Variants in ANXA2 observed in about 807,000 individuals in gnomAD.
ANXA2 encodes annexin II.
Under a neutral mutation model 47.3 loss-of-function variants are expected in ANXA2, and 28 were observed. The observed-to-expected ratio is 0.59, with a 90% CI of 0.44 to 0.81. The LOEUF (loss-of-function observed/expected upper bound fraction) is 0.81, where lower values mean the gene tolerates loss of function less well. ANXA2 is among the 40% of genes least tolerant of loss of function. The probability of loss-of-function intolerance (pLI) is 0.00; values close to 1 mark genes in which losing one functional copy is unlikely to be tolerated. For missense variants in ANXA2, 384 were observed against 414.3 expected (o/e 0.93, Z 0.64); for synonymous variants, 172 against 155.5 (o/e 1.11, Z -0.79).
intron 3 of ANXA2, among the ~76,000 whole-genome samples, chr15:60,371,968 G>A (rs1270059472): frequency 6.6e-6 from 1 of 152,042 alleles, no homozygotes; most frequent in Non-Finnish European, 1.5e-5. Flanking sequence ...TCACTAACAC[G>A]GAGAAACCCC....
intron 3 of ANXA2, 40 bp downstream of exon 3, chr15:60,382,302 A>G (rs1178094381): frequency 6.6e-7 from 1 of 1,507,946 alleles, no homozygotes; most frequent in Admixed American, 1.7e-5. Context: ...AAAATGTCTC[A>G]GTAAGACCCT....
At chr15:60,378,831 T>C (rs2062815755) in intron 3 of ANXA2, among the ~76,000 whole-genome samples, 1 of 151,576 alleles carries the variant, frequency 6.6e-6, no homozygotes, top group South Asian at 2.1e-4. Flanking sequence ...CCAGGCATGG[T>C]GGCACACGCC....
At chr15:60,386,214 AAC>A in intron 1 of ANXA2, 128 bp from the exon 2 acceptor site, 1 of 665,220 alleles carries the variant, frequency 1.5e-6, no homozygotes, top group Admixed American at 2.9e-5. Flanking sequence ...AGTTTTTGCA[AAC>A]AGATGCAATT....
Position 60,347,458 on chromosome 15 carries a change from C to A in ANXA2, c.*172G>T. 2 of 632,842 alleles carry A rather than the reference C, an allele frequency of 3.2e-6. No homozygotes were observed. The highest frequency in any genetic ancestry group is 5.4e-5 in the East Asian group (2 of 36,742). 39.2% of individuals were successfully genotyped at this position (632,842 alleles called of 1,614,324 possible). The stretch of plus-strand genomic sequence containing the variant: ...TCATTTCTTTGGCTTACAGGAGAGA[C>A]TAGACAGGAAGGCCAGGCAATGCTT... On this transcript the variant is annotated 3_prime_UTR_variant, in exon 13 of 13. Transcript: ENST00000451270.
intron 12 of ANXA2, among the ~76,000 whole-genome samples, chr15:60,348,439 C>T (rs971479066): frequency 2.0e-5 from 3 of 152,134 alleles, no homozygotes; most frequent in African/African-American, 7.2e-5. Context: ...TTCAAGGAAC[C>T]AATGCATAAT....
intron 3 of ANXA2, among the ~76,000 whole-genome samples, chr15:60,366,371 T>G (rs1488878790): frequency 3.5e-5 from 5 of 143,130 alleles, no homozygotes; most frequent in African/African-American, 1.1e-4. Flanking sequence ...GAGCGCCTCT[T>G]CCCCGCCGCC....
intron 12 of ANXA2, 97 bp from the exon 13 acceptor site, chr15:60,347,786 C>T (rs1012159027): frequency 6.7e-5 from 73 of 1,092,102 alleles, no homozygotes; most frequent in Non-Finnish European, 9.8e-5. Flanking sequence ...TGAAGCTTCT[C>T]CCATGACAAA....
At chr15:60,393,850 C>T (rs930312227) in intron 1 of ANXA2, among the ~76,000 whole-genome samples, 4 of 152,186 alleles carry the variant, frequency 2.6e-5, no homozygotes, top group African/African-American at 7.2e-5. Flanking sequence ...GCCTGGCACA[C>T]GATAGGCATT....
chr15:60,349,522 C>G (rs1036242012), intron 11 of ANXA2, among the ~76,000 whole-genome samples: 3 of 152,172 alleles, frequency 2.0e-5, no homozygotes, highest in Admixed American at 6.5e-5. Context: ...GCAAATATTA[C>G]AAAATCAAAA....
intron 3 of ANXA2, among the ~76,000 whole-genome samples, chr15:60,368,777 G>T (rs1388171698): frequency 6.6e-6 from 1 of 152,102 alleles, no homozygotes; most frequent in African/African-American, 2.4e-5. Flanking sequence ...TTAATACCCG[G>T]TGAGTGGCAG....
intron 7 of ANXA2, chr15:60,355,283 G>C (rs1206768532): frequency 6.3e-6 from 1 of 157,758 alleles, no homozygotes; most frequent in East Asian, 1.9e-4. Flanking sequence ...GAAGAGAGGA[G>C]AGCGAGGGAG....
chr15:60,378,811 C>A (rs1240537809), intron 3 of ANXA2, among the ~76,000 whole-genome samples: 1 of 151,908 alleles, frequency 6.6e-6, no homozygotes, highest in African/African-American at 2.4e-5. Context: ...ACTAAAAATA[C>A]AAAAATTAGC....
chr15:60,363,076 G>A (rs1352384710), intron 4 of ANXA2: 1 of 139,080 alleles, frequency 7.2e-6, no homozygotes, highest in Non-Finnish European at 1.5e-5. Flanking sequence ...GCTTCTATGT[G>A]TGTGTGTACA....
At chr15:60,367,216 T>TGGG (rs1337555625) in intron 3 of ANXA2, among the ~76,000 whole-genome samples, 1 of 10,932 alleles carries the variant, frequency 9.1e-5, no homozygotes, top group African/African-American at 4.5e-4. Context: ...GGGAGGGAGG[T>TGGG]GGGGGGGGTC....
intron 3 of ANXA2, among the ~76,000 whole-genome samples, chr15:60,373,229 AAT>A: frequency 1.3e-5 from 2 of 152,228 alleles, no homozygotes; most frequent in Admixed American, 1.3e-4. Flanking sequence ...TACATTTGGT[AAT>A]CTGTAGATAA....
At chr15:60,381,671 TCCAGGCC>T (rs1354308819) in intron 3 of ANXA2, among the ~76,000 whole-genome samples, 7 of 151,916 alleles carry the variant, frequency 4.6e-5, no homozygotes, top group African/African-American at 1.7e-4. Flanking sequence ...TAATTCCAGC[TCCAGGCC>T]TAAGGAGCAG....
chr15:60,362,903 C>T (rs936175808), intron 4 of ANXA2: 1 of 151,806 alleles, frequency 6.6e-6, no homozygotes, highest in African/African-American at 2.4e-5. Flanking sequence ...GGTGTGGTGG[C>T]TTATGACTGT....
rs201193077 is a variant in ANXA2 at position 60,386,117 on chromosome 15, T to A, written c.-11-31A>T. 2.2e-4 allele frequency: 334 copies of A among 1,518,722 alleles called. No homozygotes were observed. The Middle Eastern group carries it at 2.7e-3, about 12-fold the overall frequency. The allele number at this position is 1,518,722 out of a possible 1,614,324, so 94.1% of individuals were successfully genotyped here. The stretch of plus-strand genomic sequence containing the variant: ...AAAAAAGTACAACAAAAAGTCTTTA[T>A]GAAGAGGCTCTCCTTTACTCTGAAG... On this transcript the variant is annotated intron_variant, in intron 1 of 12. Transcript: ENST00000451270.
intron 4 of ANXA2, 89 bp downstream of exon 4, chr15:60,364,340 G>A: frequency 1.9e-6 from 2 of 1,035,624 alleles, no homozygotes; most frequent in African/African-American, 1.6e-5. Context: ...TTTTGCGCAT[G>A]AGAGCCACAA....
Sources: gnomAD v4.1 joint callset for allele counts (sites outside exome capture counted in the v4.1 genomes callset) on GRCh38, gnomAD v4.1.1 for gene constraint, MANE v1.5 for transcripts, NCBI Gene and HGNC (gene_info 2026-07-23, HGNC 2026-07-21) for gene names.